RPS6KC1: variants seen among roughly 807,000 people sequenced by gnomAD.
The protein encoded by RPS6KC1 is ribosomal protein S6 kinase C1, also known as inactive ribosomal protein S6 kinase delta-1.
RPS6KC1 carries 54 observed loss-of-function variants against 103.8 expected under a neutral mutation model. That is an observed-to-expected ratio of 0.52 (90% CI 0.42 to 0.65). The LOEUF (loss-of-function observed/expected upper bound fraction) is 0.65, where lower values mean the gene tolerates loss of function less well. Among genes scored for constraint, RPS6KC1 ranks in the 30% least tolerant of loss-of-function variants. The probability of loss-of-function intolerance (pLI) is 0.00; values close to 1 mark genes in which losing one functional copy is unlikely to be tolerated. For synonymous variants in RPS6KC1, 439 were observed against 438.7 expected, an observed-to-expected ratio of 1.00 and a Z score of -0.01; for missense variants, 1,151 against 1,253.8, an observed-to-expected ratio of 0.92 and a Z score of 1.24.
chr1:213,060,691 T>A (rs925775380), intron 1 of RPS6KC1, among the ~76,000 whole-genome samples: 1 of 152,248 alleles, frequency 6.6e-6, no homozygotes, highest in African/African-American at 2.4e-5. Flanking sequence ...ATTTTGATTT[T>A]CCTTGAACCT....
At chr1:213,281,220 T>C in the RPS6KC1 span, among the ~76,000 whole-genome samples, 1 of 152,236 alleles carries the variant, frequency 6.6e-6, no homozygotes, top group Non-Finnish European at 1.5e-5. Context: ...CACCACATAG[T>C]CTGTCTCTTA....
intron 8 of RPS6KC1, among the ~76,000 whole-genome samples, chr1:213,219,860 G>C (rs1275870734): frequency 6.9e-6 from 1 of 144,158 alleles, no homozygotes; most frequent in Admixed American, 7.0e-5. Flanking sequence ...CCTGTTGTGG[G>C]GTGGGGGGAG....
intron 6 of RPS6KC1, among the ~76,000 whole-genome samples, chr1:213,162,705 G>A (rs973482326): frequency 6.6e-6 from 1 of 152,186 alleles, no homozygotes; most frequent in African/African-American, 2.4e-5. Flanking sequence ...GTCTCTGTAG[G>A]TATTTAACAC....
chr1:213,541,031 C>T, the RPS6KC1 span, among the ~76,000 whole-genome samples: 1 of 151,626 alleles, frequency 6.6e-6, no homozygotes, highest in South Asian at 2.1e-4. Context: ...CAATTTCTAC[C>T]ACATCCGCAG....
the RPS6KC1 span, among the ~76,000 whole-genome samples, chr1:213,347,053 C>T: frequency 3.5e-4 from 54 of 152,272 alleles, 2 homozygotes; most frequent in East Asian, 0.01. Context: ...TGGCTTCCAT[C>T]GCCAAAACCC....
chr1:213,714,334 T>C, the RPS6KC1 span, among the ~76,000 whole-genome samples: 2 of 152,250 alleles, frequency 1.3e-5, no homozygotes, highest in Non-Finnish European at 2.9e-5. Flanking sequence ...TTTAAAGTTT[T>C]GGGATGATTT....
chr1:213,561,715 C>T, the RPS6KC1 span, among the ~76,000 whole-genome samples: 4 of 152,180 alleles, frequency 2.6e-5, no homozygotes, highest in Non-Finnish European at 1.5e-5. Flanking sequence ...GGGTCCCCCT[C>T]ACTCACCCAC....
At chr1:213,406,113 G>A in the RPS6KC1 span, among the ~76,000 whole-genome samples, 1 of 152,204 alleles carries the variant, frequency 6.6e-6, no homozygotes, top group Non-Finnish European at 1.5e-5. Flanking sequence ...AGATGGAGGG[G>A]CCAGTGACCC....
the RPS6KC1 span, among the ~76,000 whole-genome samples, chr1:213,443,530 A>G: frequency 2.0e-5 from 3 of 152,272 alleles, no homozygotes; most frequent in Admixed American, 2.0e-4. Flanking sequence ...TTTTGTCTAT[A>G]TGGAAACGTG....
At chr1:213,138,457 C>G (rs2086634288) in intron 6 of RPS6KC1, among the ~76,000 whole-genome samples, 1 of 152,048 alleles carries the variant, frequency 6.6e-6, no homozygotes, top group Non-Finnish European at 1.5e-5. Context: ...TTTTGTCACC[C>G]AGGTAATCGG....
chr1:213,625,654 C>G, the RPS6KC1 span, among the ~76,000 whole-genome samples: 8 of 152,158 alleles, frequency 5.3e-5, no homozygotes, highest in African/African-American at 1.9e-4. Flanking sequence ...TGTTCAATTC[C>G]CACCTATGAG....
intron 8 of RPS6KC1, chr1:213,205,446 TAATC>T (rs1202792880): frequency 1.1e-6 from 1 of 899,604 alleles, no homozygotes; most frequent in Non-Finnish European, 1.3e-6. Flanking sequence ...GTAGCCCTCT[TAATC>T]AAAGCTTTAA....
the RPS6KC1 span, among the ~76,000 whole-genome samples, chr1:213,316,785 CATT>C: frequency 6.6e-6 from 1 of 151,590 alleles, no homozygotes; most frequent in Non-Finnish European, 1.5e-5. Context: ...GAGGGGGCCT[CATT>C]AATAATGTGA....
the RPS6KC1 span, among the ~76,000 whole-genome samples, chr1:213,540,702 TC>T: frequency 1.3e-5 from 2 of 152,208 alleles, no homozygotes; most frequent in Non-Finnish European, 2.9e-5. Context: ...AGTGGACTAT[TC>T]CTTTCCCCAA....
At chr1:213,226,003 C>G (rs1469067879) in intron 8 of RPS6KC1, among the ~76,000 whole-genome samples, 2 of 151,394 alleles carry the variant, frequency 1.3e-5, no homozygotes, top group African/African-American at 2.4e-5. Flanking sequence ...GCGGGCGGAT[C>G]ACGAGGTCGG....
chr1:213,114,066 C>T (rs2083315788), intron 4 of RPS6KC1, among the ~76,000 whole-genome samples: 1 of 151,678 alleles, frequency 6.6e-6, no homozygotes, highest in African/African-American at 2.4e-5. Context: ...TCCATATGAA[C>T]TTTAAAGTAG....
the RPS6KC1 span, among the ~76,000 whole-genome samples, chr1:213,374,451 G>T: frequency 6.6e-6 from 1 of 151,946 alleles, no homozygotes; most frequent in Admixed American, 6.6e-5. Flanking sequence ...GTTGTACCCT[G>T]TAGTAATTGA....
chr1:213,563,412 C>T, the RPS6KC1 span, among the ~76,000 whole-genome samples: 79 of 152,074 alleles, frequency 5.2e-4, no homozygotes, highest in African/African-American at 1.7e-3. Context: ...AAATCTCTGT[C>T]TTTTACTTTG....
chr1:213,203,750 G>A (rs1335221005), intron 8 of RPS6KC1, among the ~76,000 whole-genome samples: 1 of 152,106 alleles, frequency 6.6e-6, no homozygotes, highest in Non-Finnish European at 1.5e-5. Flanking sequence ...TTTACATTTT[G>A]ATTTATACTC....
Sources: allele counts gnomAD v4.1 joint callset (sites outside exome capture counted in the v4.1 genomes callset), GRCh38; gene constraint gnomAD v4.1.1; transcripts MANE v1.5; gene names NCBI Gene and HGNC (gene_info 2026-07-23, HGNC 2026-07-21).